ARL15: variants seen among roughly 807,000 people sequenced by gnomAD.
ARL15 encodes ADP-ribosylation factor-like protein 15.
ARL15 carries 19 observed loss-of-function variants against 25.2 expected under a neutral mutation model. The observed-to-expected ratio is 0.75, with a 90% CI of 0.53 to 1.10. The LOEUF (loss-of-function observed/expected upper bound fraction) is 1.10, where lower values mean the gene tolerates loss of function less well. ARL15 is among the 50% of genes least tolerant of loss of function. The pLI, the probability that ARL15 is intolerant of heterozygous loss-of-function variation, is 0.00. For missense variants in ARL15, 220 were observed against 246.0 expected (o/e 0.89, Z 0.71); for synonymous variants, 94 against 86.8 (o/e 1.08, Z -0.46).
chr5:53,978,564 T>C (rs570769504), intron 4 of ARL15, among the ~76,000 whole-genome samples: 1 of 138,394 alleles, frequency 7.2e-6, no homozygotes, highest in South Asian at 2.3e-4. Context: ...GATGGGAGAA[T>C]CACTTGAGGC....
At chr5:53,942,582 C>T (rs1746573941) in intron 4 of ARL15, among the ~76,000 whole-genome samples, 1 of 151,986 alleles carries the variant, frequency 6.6e-6, no homozygotes, top group Non-Finnish European at 1.5e-5. Flanking sequence ...CCCGTCTCTA[C>T]TAAAAATACA....
chr5:54,143,323 T>G (rs553375303), intron 3 of ARL15, among the ~76,000 whole-genome samples: 1 of 152,092 alleles, frequency 6.6e-6, no homozygotes, highest in East Asian at 1.9e-4. Flanking sequence ...GTTATCTTAG[T>G]ATATCAATAT....
chr5:54,163,348 G>T, intron 2 of ARL15, among the ~76,000 whole-genome samples: 1 of 96,056 alleles, frequency 1.0e-5, no homozygotes, highest in South Asian at 3.3e-4. Flanking sequence ...AGGGCTATTG[G>T]TATGAAGCTT....
intron 4 of ARL15, among the ~76,000 whole-genome samples, chr5:53,889,709 A>C (rs1232560050): frequency 6.6e-6 from 1 of 152,174 alleles, no homozygotes; most frequent in African/African-American, 2.4e-5. Flanking sequence ...CTGCTGCTGG[A>C]ACATTTATTA....
At chr5:53,970,365 T>C (rs1476116981) in intron 4 of ARL15, among the ~76,000 whole-genome samples, 1 of 152,196 alleles carries the variant, frequency 6.6e-6, no homozygotes, top group Admixed American at 6.5e-5. Context: ...ACCATACATT[T>C]GAAACCAAAA....
chr5:54,047,609 G>A (rs762765471), intron 4 of ARL15, among the ~76,000 whole-genome samples: 1 of 152,220 alleles, frequency 6.6e-6, no homozygotes, highest in Non-Finnish European at 1.5e-5. Flanking sequence ...GTTGTGGAGG[G>A]AGTTGCAGAC....
intron 1 of ARL15, among the ~76,000 whole-genome samples, chr5:54,187,498 A>C (rs1221345759): frequency 6.6e-6 from 1 of 152,198 alleles, no homozygotes; most frequent in Non-Finnish European, 1.5e-5. Flanking sequence ...TCATCTTCCA[A>C]TTCCACAGAC....
chr5:53,921,411 C>A (rs1745858380), intron 4 of ARL15, among the ~76,000 whole-genome samples: 2 of 152,070 alleles, frequency 1.3e-5, no homozygotes, highest in South Asian at 4.1e-4. Context: ...AACTTATGTT[C>A]CAGTAATAGA....
chr5:53,970,055 A>C (rs1400961743), intron 4 of ARL15, among the ~76,000 whole-genome samples: 1 of 152,222 alleles, frequency 6.6e-6, no homozygotes, highest in Non-Finnish European at 1.5e-5. Flanking sequence ...ATGTACAAGT[A>C]TGCATCTAGT....
At chr5:53,937,739 G>A (rs1746396669) in intron 4 of ARL15, among the ~76,000 whole-genome samples, 1 of 151,824 alleles carries the variant, frequency 6.6e-6, no homozygotes, top group Non-Finnish European at 1.5e-5. Flanking sequence ...TCACACAATG[G>A]TGAAATCACC....
At chr5:54,073,560 T>C (rs1241216139) in intron 4 of ARL15, among the ~76,000 whole-genome samples, 1 of 152,210 alleles carries the variant, frequency 6.6e-6, no homozygotes, top group Admixed American at 6.5e-5. Context: ...CTGGCTTACA[T>C]GGAGTAGTAA....
chr5:54,176,029 G>A (rs1409764983), intron 1 of ARL15, among the ~76,000 whole-genome samples: 1 of 152,050 alleles, frequency 6.6e-6, no homozygotes, highest in Non-Finnish European at 1.5e-5. Context: ...AATGTCATAA[G>A]GACATCCAAC....
intron 1 of ARL15, among the ~76,000 whole-genome samples, chr5:54,298,060 C>T (rs1758513279): frequency 6.6e-6 from 1 of 152,146 alleles, no homozygotes; most frequent in Non-Finnish European, 1.5e-5. Flanking sequence ...GGATTACAGG[C>T]GTGAGAAAGT....
chr5:54,209,151 A>G (rs557148335), intron 1 of ARL15, among the ~76,000 whole-genome samples: 11 of 152,194 alleles, frequency 7.2e-5, no homozygotes, highest in Admixed American at 2.0e-4. Flanking sequence ...AACATTAACT[A>G]TATGGGCAGA....
intron 4 of ARL15, among the ~76,000 whole-genome samples, chr5:54,071,845 C>A (rs1358818211): frequency 6.6e-6 from 1 of 151,746 alleles, no homozygotes; most frequent in African/African-American, 2.4e-5. Flanking sequence ...TGGTGCTGGG[C>A]GCCTGTAGTC....
chr5:54,078,200 T>A (rs1055041916), intron 4 of ARL15, among the ~76,000 whole-genome samples: 3 of 152,300 alleles, frequency 2.0e-5, no homozygotes, highest in African/African-American at 7.2e-5. Flanking sequence ...CATTACTGAA[T>A]CTCATCTGCT....
Position 54,072,251 on chromosome 5 carries a change from A to ACTCC in ARL15, c.462+40947_462+40950dup, listed in dbSNP as rs781245946. Among the ~76,000 whole-genome samples, 6 of 152,048 alleles carry ACTCC rather than the reference A, an allele frequency of 3.9e-5. No homozygotes were observed. The East Asian group carries it at 7.7e-4, about 20-fold the overall frequency. On this transcript the variant is annotated intron_variant, in intron 4 of 4. Coordinates refer to ENST00000504924, the MANE Select transcript of ARL15 (RefSeq NM_019087.3). Reference sequence around the variant, plus strand: ...CCCCATCATCAGTCCTACCATCTGTACTCCCAGTTCTCTCCACACACGGGC... The same window carrying ACTCC: ...CCCCATCATCAGTCCTACCATCTGTACTCCCTCCCAGTTCTCTCCACACACGGGC...
rs547532279 is a variant in ARL15 at position 54,113,267 on chromosome 5, A to G, written c.397T>C (p.Cys133Arg). The G allele has an allele frequency of 9.5e-5, 154 of 1,613,970 alleles. No homozygotes were observed. The South Asian group carries it at 1.4e-3, about 14-fold the overall frequency. ...GCCAATATTAAAAAGGGTAAAGTGC[A>G]TAACTGTGGATGCTGAAGAGCTGAG... Reference protein sequence around the residue: ...LHSALQHPQLCTLPFLILANH... With the variant: ...LHSALQHPQLRTLPFLILANH... Residue 133 changes from cysteine (C) to arginine (R), a missense_variant, in exon 4 of 5, where the codon TGC (cysteine) becomes CGC (arginine). Cys to Arg is a radical substitution (Grantham distance 180). Transcript: ENST00000504924.
At chr5:54,136,287 G>A (rs1753601250) in intron 3 of ARL15, among the ~76,000 whole-genome samples, 1 of 151,966 alleles carries the variant, frequency 6.6e-6, no homozygotes, top group Non-Finnish European at 1.5e-5. Context: ...ACCTTCAATA[G>A]CCAGCTACAT....
Sources: allele counts gnomAD v4.1 joint callset (sites outside exome capture counted in the v4.1 genomes callset), GRCh38; gene constraint gnomAD v4.1.1; transcripts MANE v1.5; gene names NCBI Gene and HGNC (gene_info 2026-07-23, HGNC 2026-07-21).